CDK6: variants seen among roughly 807,000 people sequenced by gnomAD.
The protein encoded by CDK6 is cyclin dependent kinase 6.
A neutral mutation model predicts 37.1 loss-of-function variants in CDK6; 6 were observed. That is an observed-to-expected ratio of 0.16 (90% confidence interval 0.09 to 0.32). CDK6 has a LOEUF of 0.32. CDK6 is among the 10% of genes least tolerant of loss of function. The pLI is 1.00. For missense variants in CDK6, 224 were observed against 418.9 expected, an observed-to-expected ratio of 0.53 and a Z score of 4.06; for synonymous variants, 160 against 161.3, an observed-to-expected ratio of 0.99 and a Z score of 0.06.
chr7:92,625,977 A>T (rs759089270), intron 5 of CDK6, among the ~76,000 whole-genome samples: 1 of 152,064 alleles, frequency 6.6e-6, no homozygotes, highest in South Asian at 2.1e-4. Flanking sequence ...TCATAAAGTG[A>T]TCTTTCAAAA....
chr7:92,709,311 T>C (rs1025812198), intron 4 of CDK6, among the ~76,000 whole-genome samples: 7 of 152,156 alleles, frequency 4.6e-5, no homozygotes. Context: ...TGCCGTTGTG[T>C]GTGTGAACAT....
intron 5 of CDK6, among the ~76,000 whole-genome samples, chr7:92,660,833 G>T (rs1387027957): frequency 6.6e-6 from 1 of 152,168 alleles, no homozygotes; most frequent in Non-Finnish European, 1.5e-5. Flanking sequence ...GAAGGTAAGA[G>T]AAGCTGGTTA....
chr7:92,829,731 G>T (rs1801428735), intron 2 of CDK6, among the ~76,000 whole-genome samples: 1 of 152,104 alleles, frequency 6.6e-6, no homozygotes, highest in East Asian at 1.9e-4. Context: ...TTAGCCTTTT[G>T]GTTATGTTGC....
intron 2 of CDK6, among the ~76,000 whole-genome samples, chr7:92,783,558 T>C (rs1262986026): frequency 6.6e-6 from 1 of 152,194 alleles, no homozygotes; most frequent in Non-Finnish European, 1.5e-5. Flanking sequence ...TTTCCAACTT[T>C]AGAGTTGCTA....
rs766236563 is a variant in CDK6, at chr7:92,611,854, C to T, written c.*3286G>A. The T allele has an allele frequency of 2.6e-5, 6 of 232,078 alleles. No homozygotes were observed. The highest frequency in any genetic ancestry group is 5.1e-5 in the Non-Finnish European group (6 of 117,406). 14.4% of individuals were successfully genotyped at this position (232,078 alleles called of 1,614,324 possible). Reference sequence around the variant, plus strand: ...AGTCACCTGGGGCTAAATGAAAAGTCTGCCATTCACAGTGTGTGCTTCCTG... The same window carrying T: ...AGTCACCTGGGGCTAAATGAAAAGTTTGCCATTCACAGTGTGTGCTTCCTG... On this transcript the variant is annotated 3_prime_UTR_variant, in exon 8 of 8. Coordinates refer to ENST00000424848, the MANE Select transcript of CDK6 (RefSeq NM_001145306.2).
chr7:92,624,231 A>AT lies in CDK6; in HGVS notation c.648-1146dup, dbSNP rs3731346. Reference sequence around the variant, plus strand: ...TACTTATTGCAAGGTGATGGGCTGAATTTTTTTCCCCCAAATTCATGTTGA... The same window carrying AT: ...TACTTATTGCAAGGTGATGGGCTGAATTTTTTTTCCCCCAAATTCATGTTGA... On this transcript the variant is annotated intron_variant, in intron 5 of 7. Coordinates refer to ENST00000424848, the MANE Select transcript of CDK6 (RefSeq NM_001145306.2). 1.2e-4 allele frequency among the ~76,000 whole-genome samples: 19 copies of AT among 152,196 alleles called. No homozygotes were observed. The East Asian group carries it at 3.5e-3, about 28-fold the overall frequency.
intron 3 of CDK6, among the ~76,000 whole-genome samples, chr7:92,744,669 C>A (rs1799013362): frequency 1.3e-5 from 2 of 152,162 alleles, no homozygotes; most frequent in Admixed American, 6.5e-5. Context: ...ATGTGTGTAA[C>A]TGCTTTGAAA....
rs61251479 is a variant in CDK6 at position 92,781,705 on chromosome 7, T to C, written c.234-6874A>G. Among the ~76,000 whole-genome samples the C allele has an allele frequency of 3.2e-3, 490 of 152,350 alleles. 3 individuals are homozygous for C. Among genetic ancestry groups the C allele is most frequent in the African/African-American group, 0.011 (461 of 41,574 alleles). ...CTTTTTTTTCCCCCATTCTCTTCAA[T>C]GTTTGGACATCAAATAGTTCAAGAG... On this transcript the variant is annotated intron_variant, in intron 2 of 7. Coordinates refer to ENST00000424848, the MANE Select transcript of CDK6 (RefSeq NM_001145306.2).
chr7:92,762,989 A>C (rs1186293977), intron 3 of CDK6, among the ~76,000 whole-genome samples: 1 of 152,224 alleles, frequency 6.6e-6, no homozygotes. Flanking sequence ...TGCAGTCCCC[A>C]ATCTTTGCTA....
At chr7:92,702,793 G>T (rs1797882143) in intron 4 of CDK6, among the ~76,000 whole-genome samples, 1 of 152,126 alleles carries the variant, frequency 6.6e-6, no homozygotes, top group Non-Finnish European at 1.5e-5. Flanking sequence ...TGAATTCCTG[G>T]AGGCCATTTC....
intron 6 of CDK6, among the ~76,000 whole-genome samples, chr7:92,618,970 G>T (rs1795742601): frequency 6.6e-6 from 1 of 152,126 alleles, no homozygotes; most frequent in Non-Finnish European, 1.5e-5. Flanking sequence ...TTACTGGCAG[G>T]TAAGGACAAA....
intron 3 of CDK6, among the ~76,000 whole-genome samples, chr7:92,743,026 A>C (rs1798964807): frequency 1.3e-5 from 2 of 151,842 alleles, no homozygotes; most frequent in South Asian, 4.2e-4. Flanking sequence ...CCAAGTGATA[A>C]GACCATTAGT....
At chr7:92,715,652 T>C (rs1798215127) in intron 4 of CDK6, among the ~76,000 whole-genome samples, 1 of 152,124 alleles carries the variant, frequency 6.6e-6, no homozygotes, top group African/African-American at 2.4e-5. Context: ...CATTTAGAAA[T>C]GCATTGGGAA....
At chr7:92,824,669 G>GCTA (rs1467045708) in intron 2 of CDK6, among the ~76,000 whole-genome samples, 7 of 152,108 alleles carry the variant, frequency 4.6e-5, no homozygotes, top group Non-Finnish European at 8.8e-5. Flanking sequence ...GAATGAAAGT[G>GCTA]CTACCAATCA....
intron 5 of CDK6, among the ~76,000 whole-genome samples, chr7:92,663,034 A>C (rs1371115227): frequency 6.6e-6 from 1 of 152,156 alleles, no homozygotes; most frequent in African/African-American, 2.4e-5. Flanking sequence ...GAAAGGAGTA[A>C]CAGAAGTAGA....
rs1167091468 is a variant in CDK6, at chr7:92,610,123, A to G, written c.*5017T>C. The stretch of plus-strand genomic sequence containing the variant: ...GGAATATACCGGAATAAAACAAGAA[A>G]GCTCATCTCTTAGGACAGTGTGAAT... On this transcript the variant is annotated 3_prime_UTR_variant, in exon 8 of 8. Transcript: ENST00000424848. The G allele has an allele frequency of 4.3e-6, 1 of 231,164 alleles. No homozygotes were observed. Among genetic ancestry groups the G allele is most frequent in the Non-Finnish European group, 8.6e-6 (1 of 116,804 alleles). The allele number at this position is 231,164 out of a possible 1,614,324, so 14.3% of individuals were successfully genotyped here. A position where few individuals can be genotyped will look rare whatever the true frequency, so the allele number is the denominator to read the frequency against.
chr7:92,769,816 C>T (rs1483373773), intron 3 of CDK6, among the ~76,000 whole-genome samples: 1 of 151,974 alleles, frequency 6.6e-6, no homozygotes, highest in Non-Finnish European at 1.5e-5. Context: ...CTGACCCTCT[C>T]TCATAGGATG....
chr7:92,683,236 C>T (rs1045397953), intron 4 of CDK6, among the ~76,000 whole-genome samples: 1 of 152,090 alleles, frequency 6.6e-6, no homozygotes, highest in Non-Finnish European at 1.5e-5. Context: ...CTTTGAGAGG[C>T]CACATTATTA....
rs761706657 is a variant in CDK6 at position 92,615,305 on chromosome 7, T to C, written c.835-19A>G. 2 of 1,592,024 alleles carry C rather than the reference T, an allele frequency of 1.3e-6. No homozygotes were observed. Among genetic ancestry groups the C allele is most frequent in the East Asian group, 2.2e-5 (1 of 44,780 alleles). On this transcript the variant is annotated intron_variant, in intron 7 of 7. Transcript: ENST00000424848. ...AACACTTCTGTAATAAAGAAAAAAA[T>C]AATTGGTTGATATACAATACATCAA...
Sources: gnomAD v4.1 joint callset for allele counts (sites outside exome capture counted in the v4.1 genomes callset) on GRCh38, gnomAD v4.1.1 for gene constraint, MANE v1.5 for transcripts, NCBI Gene and HGNC (gene_info 2026-07-23, HGNC 2026-07-21) for gene names.